Variants in KLHDC10 observed in about 807,000 individuals in gnomAD.
The protein encoded by KLHDC10 is kelch domain containing 10, also known as kelch domain-containing protein 10.
In KLHDC10, 24 loss-of-function variants were observed where a neutral mutation model predicts 56.1. That is an observed-to-expected ratio of 0.43 (90% confidence interval 0.31 to 0.60). The LOEUF is 0.60. Among genes scored for constraint, KLHDC10 ranks in the 20% least tolerant of loss-of-function variants. The probability of loss-of-function intolerance (pLI) is 0.11; values close to 1 mark genes in which losing one functional copy is unlikely to be tolerated. For synonymous variants in KLHDC10, 188 were observed against 207.1 expected, an observed-to-expected ratio of 0.91 and a Z score of 0.79; for missense variants, 349 against 567.0, an observed-to-expected ratio of 0.62 and a Z score of 3.91.
At chr7:130,092,203 A>G (rs1795784591) in intron 1 of KLHDC10, among the ~76,000 whole-genome samples, 1 of 152,208 alleles carries the variant, frequency 6.6e-6, no homozygotes, top group African/African-American at 2.4e-5. Context: ...ATGAGGAAGT[A>G]TGAGTCTTCT....
At chr7:130,077,121 G>A (rs547677363) in intron 1 of KLHDC10, among the ~76,000 whole-genome samples, 48 of 152,094 alleles carry the variant, frequency 3.2e-4, no homozygotes, top group African/African-American at 1.1e-3. Context: ...TTGGGATGCT[G>A]AGGCAGGCGG....
intron 2 of KLHDC10, among the ~76,000 whole-genome samples, chr7:130,107,371 T>C (rs757331035): frequency 3.3e-5 from 5 of 152,208 alleles, no homozygotes; most frequent in Non-Finnish European, 7.3e-5. Flanking sequence ...TCATGATAAC[T>C]AATACTAGAG....
chr7:130,133,425 G>A lies in KLHDC10; in HGVS notation c.*2679G>A, dbSNP rs1443099044. On this transcript the variant is annotated 3_prime_UTR_variant, in exon 10 of 10. Transcript: ENST00000335420. ...GATATATACAGATTATATATAGGGTGTAACTATAAAGCAGGTAGACTACTT... is the reference window on the plus strand; with the variant it reads ...GATATATACAGATTATATATAGGGTATAACTATAAAGCAGGTAGACTACTT... 6.6e-6 allele frequency: 1 copy of A among 152,206 alleles called. No individual in the cohort carries two copies. Among genetic ancestry groups the A allele is most frequent in the South Asian group, 2.1e-4 (1 of 4,836 alleles). The allele number at this position is 152,206 out of a possible 1,614,324, so 9.4% of individuals were successfully genotyped here.
chr7:130,084,455 G>A (rs920667064), intron 1 of KLHDC10, among the ~76,000 whole-genome samples: 3 of 152,112 alleles, frequency 2.0e-5, no homozygotes, highest in Non-Finnish European at 2.9e-5. Context: ...GCTATGAGGT[G>A]TGAAGGAGAG....
At chr7:130,077,555 C>CTTTTTTTTTTTTTTTTTTTTTT (rs1374918216) in intron 1 of KLHDC10, among the ~76,000 whole-genome samples, 2 of 108,102 alleles carry the variant, frequency 1.9e-5, no homozygotes, top group African/African-American at 3.5e-5. Context: ...CTTTTTCTTT[C>CTTTTTTTTTTTTTTTTTTTTTT]TTTTTTTTTT....
Position 130,131,865 on chromosome 7 carries a change from G to T in KLHDC10, c.*1119G>T. ...TCCTTGATTTTTCCCTTAGCTTGTT[G>T]CCTTCTTTTCCGTCTGCTTTAATGT... On this transcript the variant is annotated 3_prime_UTR_variant, in exon 10 of 10. Transcript: ENST00000335420. 1 of 152,072 alleles carries T rather than the reference G, an allele frequency of 6.6e-6. No individual in the cohort carries two copies. The allele number at this position is 152,072 out of a possible 1,614,324, so 9.4% of individuals were successfully genotyped here.
At chr7:130,129,664 A>G (rs1187112098) in intron 9 of KLHDC10, 88 bp downstream of exon 9, 8 of 1,253,664 alleles carry the variant, frequency 6.4e-6, no homozygotes, top group African/African-American at 1.5e-5. Context: ...AAAGCCAGAT[A>G]TAGGCAAACC....
intron 1 of KLHDC10, among the ~76,000 whole-genome samples, chr7:130,078,542 A>AG (rs1491178318): frequency 6.6e-6 from 1 of 151,582 alleles, no homozygotes; most frequent in African/African-American, 2.4e-5. Context: ...TTTTTGAGAC[A>AG]GAGTCTCGCT....
At chr7:130,075,351 A>T (rs1260519830) in intron 1 of KLHDC10, among the ~76,000 whole-genome samples, 6 of 152,224 alleles carry the variant, frequency 3.9e-5, no homozygotes, top group African/African-American at 1.2e-4. Context: ...TAAAAATAAT[A>T]CTGTAGTCTT....
intron 1 of KLHDC10, among the ~76,000 whole-genome samples, chr7:130,088,521 C>T (rs1199627575): frequency 6.6e-6 from 1 of 152,056 alleles, no homozygotes; most frequent in East Asian, 1.9e-4. Flanking sequence ...AGTGACCCAC[C>T]TTCCTCAGCT....
At chr7:130,100,111 A>G (rs989921374) in intron 2 of KLHDC10, among the ~76,000 whole-genome samples, 25 of 151,840 alleles carry the variant, frequency 1.6e-4, no homozygotes, top group African/African-American at 5.8e-4. Flanking sequence ...GTCTCATTAA[A>G]AAAAAAAAAA....
At chr7:130,074,619 CTT>C (rs577941524) in intron 1 of KLHDC10, among the ~76,000 whole-genome samples, 19 of 139,278 alleles carry the variant, frequency 1.4e-4, no homozygotes, top group South Asian at 2.3e-4. Context: ...GGTTCTCTCT[CTT>C]TTTTTTTTTT....
intron 1 of KLHDC10, among the ~76,000 whole-genome samples, chr7:130,081,293 C>T (rs1795603712): frequency 6.6e-6 from 1 of 151,126 alleles, no homozygotes. Context: ...GCCACCGCGC[C>T]TGGCCTCTTT....
chr7:130,089,470 C>T (rs1214349914), intron 1 of KLHDC10, among the ~76,000 whole-genome samples: 1 of 152,130 alleles, frequency 6.6e-6, no homozygotes, highest in African/African-American at 2.4e-5. Context: ...TTTATAAGTG[C>T]TAAGCATAGA....
chr7:130,087,821 T>C (rs11760685), intron 1 of KLHDC10, among the ~76,000 whole-genome samples: 70,089 of 150,782 alleles, frequency 0.46, 16,682 homozygotes, highest in African/African-American at 0.55. Context: ...AGTGCAATGG[T>C]ACAGTATCGG....
rs1453845537 is a variant in KLHDC10 at position 130,120,386 on chromosome 7, A to G, written c.476-363A>G. Reference sequence around the variant, plus strand: ...ATCTTTTTCTGCAGAACTTTGTAGTATAGGCTATGTATCCCTTATCTGAAA... The same window carrying G: ...ATCTTTTTCTGCAGAACTTTGTAGTGTAGGCTATGTATCCCTTATCTGAAA... On this transcript the variant is annotated intron_variant, in intron 3 of 9. Coordinates refer to ENST00000335420, the MANE Select transcript of KLHDC10 (RefSeq NM_014997.4). The surrounding 1 kb of genome is among the most constrained non-coding windows in gnomAD (Gnocchi z 5.1). Among the ~76,000 whole-genome samples the G allele has an allele frequency of 2.0e-5, 3 of 152,332 alleles. No homozygotes were observed. The highest frequency in any genetic ancestry group is 1.9e-4 in the East Asian group (1 of 5,190).
chr7:130,103,860 C>T (rs1427827345), intron 2 of KLHDC10, among the ~76,000 whole-genome samples: 3 of 152,028 alleles, frequency 2.0e-5, no homozygotes, highest in Non-Finnish European at 2.9e-5. Flanking sequence ...GAGGCTGAGG[C>T]GGGTGGATCA....
At chr7:130,074,310 G>C (rs577950943) in intron 1 of KLHDC10, among the ~76,000 whole-genome samples, 1 of 151,964 alleles carries the variant, frequency 6.6e-6, no homozygotes, top group Non-Finnish European at 1.5e-5. Flanking sequence ...GAAGCCTTCC[G>C]TGACTTTCTG....
intron 1 of KLHDC10, among the ~76,000 whole-genome samples, chr7:130,085,399 GAAGGA>G (rs1795673504): frequency 6.6e-6 from 1 of 151,518 alleles, no homozygotes; most frequent in Non-Finnish European, 1.5e-5. Flanking sequence ...TTGAAAGTGA[GAAGGA>G]AAGGAGAAGC....
Sources: allele counts gnomAD v4.1 joint callset (sites outside exome capture counted in the v4.1 genomes callset), GRCh38; gene constraint gnomAD v4.1.1; non-coding constraint Gnocchi (gnomAD v3.1); transcripts MANE v1.5; gene names NCBI Gene and HGNC (gene_info 2026-07-23, HGNC 2026-07-21).